MICU1: variants seen among roughly 807,000 people sequenced by gnomAD.
MICU1 encodes calcium uptake protein 1, mitochondrial.
MICU1 carries 45 observed loss-of-function variants against 56.8 expected under a neutral mutation model. That is an observed-to-expected ratio of 0.79 (90% CI 0.62 to 1.02). The LOEUF (loss-of-function observed/expected upper bound fraction) is 1.02, where lower values mean the gene tolerates loss of function less well. MICU1 is among the 50% of genes least tolerant of loss of function. MICU1 has a pLI of 0.00. For missense variants in MICU1, 504 were observed against 587.1 expected (o/e 0.86, Z 1.46); for synonymous variants, 186 against 195.1 (o/e 0.95, Z 0.39).
At chr10:72,380,942 C>T (rs567720576) in intron 10 of MICU1, among the ~76,000 whole-genome samples, 10 of 152,238 alleles carry the variant, frequency 6.6e-5, no homozygotes, top group African/African-American at 1.9e-4. Context: ...ATAGGTTGGC[C>T]GTGGATCTGA....
chr10:72,394,531 C>A (rs910881341), intron 10 of MICU1, among the ~76,000 whole-genome samples: 4 of 151,724 alleles, frequency 2.6e-5, no homozygotes, highest in African/African-American at 9.7e-5. Flanking sequence ...GAGGCTGGGG[C>A]AGGAGAATCA....
At chr10:72,593,324 G>A (rs533236586) in intron 1 of MICU1, among the ~76,000 whole-genome samples, 8 of 151,956 alleles carry the variant, frequency 5.3e-5, no homozygotes, top group Non-Finnish European at 5.9e-5. Context: ...AAGCAGCCAG[G>A]CGTGGTGGCA....
chr10:72,536,137 T>C (rs1258587013), intron 4 of MICU1, among the ~76,000 whole-genome samples: 1 of 152,112 alleles, frequency 6.6e-6, no homozygotes, highest in African/African-American at 2.4e-5. Flanking sequence ...CAAGTTCTAG[T>C]GTTCTATAGC....
rs1176750943 is a variant in MICU1 at position 72,409,405 on chromosome 10, C to CTGTATTA, written c.1072-1375_1072-1369dup. On this transcript the variant is annotated intron_variant, in intron 9 of 11. Transcript: ENST00000361114. Reference sequence around the variant, plus strand: ...CCTTATCAAACTGAAAGCTAAAAGACTGTATTAGGCTGGGTGCAGTGACTC... The same window carrying CTGTATTA: ...CCTTATCAAACTGAAAGCTAAAAGACTGTATTATGTATTAGGCTGGGTGCAGTGACTC... 3.9e-5 allele frequency among the ~76,000 whole-genome samples: 6 copies of CTGTATTA among 152,330 alleles called. No individual in the cohort carries two copies. The East Asian group carries it at 1.2e-3, about 29-fold the overall frequency.
intron 6 of MICU1, among the ~76,000 whole-genome samples, chr10:72,498,611 A>G (rs1042681150): frequency 2.6e-5 from 4 of 152,104 alleles, no homozygotes; most frequent in Admixed American, 2.0e-4. Flanking sequence ...AAAGAAAAAA[A>G]GAAGCCTTCG....
chr10:72,493,213 C>CCA (rs1270459008), intron 6 of MICU1, among the ~76,000 whole-genome samples: 2 of 150,936 alleles, frequency 1.3e-5, no homozygotes, highest in East Asian at 3.9e-4. Context: ...ACACACACAC[C>CCA]CACACACACA....
In MICU1 at chr10:72,391,656, AT is replaced by A. The variant is rs995603724; in HGVS notation, c.1181-15785del. Among the ~76,000 whole-genome samples the A allele has an allele frequency of 5.5e-4, 83 of 151,492 alleles. 1 individual carries two copies. In the South Asian group the frequency reaches 6.1e-3, roughly 11 times the overall value. ...ACTGCATAGGTCCACTTACGTGCAG[AT>A]TTTTTTTTCAATAAATTACGTTGGA... On this transcript the variant is annotated intron_variant, in intron 10 of 11. Coordinates refer to ENST00000361114, the MANE Select transcript of MICU1 (RefSeq NM_001195518.2).
At position 72,610,835 on chromosome 10, in the gene MICU1, AG is replaced by A. The variant is rs1420416772; in HGVS notation, c.-2+15174del. ...GGAGGAGGTTAGAGGGTGAATACAGAGGGGCAAATGGACACTATGTAGTACA... is the reference window on the plus strand; with the variant it reads ...GGAGGAGGTTAGAGGGTGAATACAGAGGGCAAATGGACACTATGTAGTACA... On this transcript the variant is annotated intron_variant, in intron 1 of 11. Coordinates refer to ENST00000361114, the MANE Select transcript of MICU1 (RefSeq NM_001195518.2). Among the ~76,000 whole-genome samples the A allele has an allele frequency of 3.3e-5, 5 of 152,294 alleles. No individual in the cohort carries two copies. The East Asian group carries it at 9.7e-4, about 29-fold the overall frequency.
intron 10 of MICU1, among the ~76,000 whole-genome samples, chr10:72,385,084 G>C (rs11000282): frequency 0.44 from 66,913 of 151,872 alleles, 18,706 homozygotes; most frequent in Non-Finnish European, 0.64. Flanking sequence ...AATTCTCTAG[G>C]TCCTTCTAGC....
intron 8 of MICU1, among the ~76,000 whole-genome samples, chr10:72,433,807 GTTTC>G (rs1336073838): frequency 1.3e-5 from 2 of 152,126 alleles, no homozygotes; most frequent in East Asian, 1.9e-4. Flanking sequence ...TTGACCTACA[GTTTC>G]TTTATTTTAA....
intron 1 of MICU1, among the ~76,000 whole-genome samples, chr10:72,617,220 T>C (rs1371627120): frequency 2.0e-5 from 3 of 152,210 alleles, no homozygotes; most frequent in Non-Finnish European, 4.4e-5. Flanking sequence ...CACTGCTATA[T>C]ATTTTGGTAT....
At chr10:72,494,671 A>G (rs1866777796) in intron 6 of MICU1, among the ~76,000 whole-genome samples, 1 of 148,990 alleles carries the variant, frequency 6.7e-6, no homozygotes, top group Admixed American at 6.7e-5. Flanking sequence ...AATAAAATTA[A>G]AAAAAAAAAG....
chr10:72,434,037 G>A (rs1245669838), intron 8 of MICU1, among the ~76,000 whole-genome samples: 1 of 151,832 alleles, frequency 6.6e-6, no homozygotes. Context: ...ATAATCTTGA[G>A]TAAATCCAGT....
At chr10:72,410,854 C>A (rs1863785486) in intron 9 of MICU1, among the ~76,000 whole-genome samples, 1 of 152,112 alleles carries the variant, frequency 6.6e-6, no homozygotes, top group Non-Finnish European at 1.5e-5. Flanking sequence ...AGAAGAGAAT[C>A]CCATAGGATT....
chr10:72,605,053 A>G (rs933805840), intron 1 of MICU1, among the ~76,000 whole-genome samples: 5 of 152,236 alleles, frequency 3.3e-5, no homozygotes, highest in Admixed American at 3.3e-4. Context: ...TGTTTTGAGA[A>G]GTTTGGCAGG....
intron 8 of MICU1, among the ~76,000 whole-genome samples, chr10:72,431,956 A>G (rs1864546935): frequency 6.6e-6 from 1 of 152,160 alleles, no homozygotes; most frequent in Non-Finnish European, 1.5e-5. Context: ...CCATTTTTCT[A>G]ACATATGTAG....
chr10:72,574,404 A>G (rs929951096), intron 1 of MICU1, among the ~76,000 whole-genome samples: 4 of 152,166 alleles, frequency 2.6e-5, no homozygotes, highest in African/African-American at 9.7e-5. Context: ...CTGTAATCCC[A>G]GCTACTCGGG....
At chr10:72,587,840 A>G (rs546467498) in intron 1 of MICU1, among the ~76,000 whole-genome samples, 2 of 152,128 alleles carry the variant, frequency 1.3e-5, no homozygotes, top group Non-Finnish European at 2.9e-5. Context: ...ATTTAATAAA[A>G]TACTATTTAA....
intron 8 of MICU1, among the ~76,000 whole-genome samples, chr10:72,468,558 TAA>T (rs1376929492): frequency 2.0e-5 from 3 of 151,970 alleles, no homozygotes; most frequent in Non-Finnish European, 4.4e-5. Flanking sequence ...CTTATATTCT[TAA>T]GTCATTCTTT....
Sources: gnomAD v4.1 joint callset for allele counts (sites outside exome capture counted in the v4.1 genomes callset) on GRCh38, gnomAD v4.1.1 for gene constraint, MANE v1.5 for transcripts, NCBI Gene and HGNC (gene_info 2026-07-23, HGNC 2026-07-21) for gene names.